GPC5: variants seen among roughly 807,000 people sequenced by gnomAD.
GPC5 encodes the protein glypican-5.
GPC5 carries 47 observed loss-of-function variants against 53.9 expected under a neutral mutation model. The ratio of observed to expected loss-of-function variants is 0.87; its 90% CI spans 0.69 to 1.11. The LOEUF (loss-of-function observed/expected upper bound fraction) is 1.11. Ranked by LOEUF, GPC5 falls within the 50% of genes most tolerant of loss-of-function variation. The pLI is 0.00. For missense variants in GPC5, 748 were observed against 713.1 expected (o/e 1.05, Z -0.56); for synonymous variants, 286 against 263.3 (o/e 1.09, Z -0.84).
chr13:92,333,598 CTG>C (rs2043302781), intron 7 of GPC5, among the ~76,000 whole-genome samples: 4 of 152,088 alleles, frequency 2.6e-5, no homozygotes, highest in African/African-American at 7.2e-5. Context: ...TAAAAAAAGA[CTG>C]AGACTGAATC....
chr13:92,241,377 A>T (rs761326968), intron 7 of GPC5: 1 of 152,206 alleles, frequency 6.6e-6, no homozygotes, highest in African/African-American at 2.4e-5. Context: ...TATTATTTGC[A>T]TGATAAGCCT....
intron 7 of GPC5, among the ~76,000 whole-genome samples, chr13:92,704,047 A>C (rs1217144602): frequency 1.3e-5 from 2 of 152,094 alleles, no homozygotes; most frequent in East Asian, 3.8e-4. Flanking sequence ...AAATATGTTA[A>C]CTTGGACTAT....
At position 91,993,358 on chromosome 13, in the gene GPC5, CT is replaced by C. The variant is rs371568020; in HGVS notation, c.1401+85311del. Among the ~76,000 whole-genome samples, 948 of 149,120 alleles carry C rather than the reference CT, an allele frequency of 6.4e-3. 9 individuals carry two copies. The highest frequency in any genetic ancestry group is 0.021 in the African/African-American group (859 of 40,620). ...CCTCATAACTTGAAACTGCGTATAC[CT>C]TTTTTTTTTCCTCCAGAAATCAACC... On this transcript the variant is annotated intron_variant, in intron 6 of 7. Coordinates refer to ENST00000377067, the MANE Select transcript of GPC5 (RefSeq NM_004466.6).
chr13:92,144,150 G>T (rs1354471494), intron 6 of GPC5, among the ~76,000 whole-genome samples: 1 of 152,150 alleles, frequency 6.6e-6, no homozygotes, highest in East Asian at 1.9e-4. Flanking sequence ...GAACTCCTGT[G>T]CTGTAGGGGA....
chr13:91,408,110 A>G (rs544954446), intron 1 of GPC5, among the ~76,000 whole-genome samples: 6 of 148,704 alleles, frequency 4.0e-5, no homozygotes, highest in Non-Finnish European at 8.8e-5. Flanking sequence ...ACAATATATC[A>G]TATTAACTGT....
At chr13:92,742,547 CG>C in intron 7 of GPC5, among the ~76,000 whole-genome samples, 1 of 143,030 alleles carries the variant, frequency 7.0e-6, no homozygotes, top group South Asian at 2.4e-4. Context: ...TTCACTCTGA[CG>C]GTAGTTTCTT....
intron 5 of GPC5, among the ~76,000 whole-genome samples, chr13:91,819,269 C>T (rs1361501168): frequency 2.1e-5 from 3 of 146,080 alleles, no homozygotes; most frequent in Admixed American, 7.2e-5. Flanking sequence ...AAGTGATTCT[C>T]CTGCCTCAGC....
intron 2 of GPC5, among the ~76,000 whole-genome samples, chr13:91,669,213 A>G (rs1464723602): frequency 6.6e-6 from 1 of 152,198 alleles, no homozygotes; most frequent in South Asian, 2.1e-4. Flanking sequence ...ACTGATAGTC[A>G]TATGTGGATG....
At chr13:92,039,921 A>C (rs1444121593) in intron 6 of GPC5, among the ~76,000 whole-genome samples, 3 of 152,206 alleles carry the variant, frequency 2.0e-5, no homozygotes, top group African/African-American at 7.2e-5. Context: ...TTAGGACTTC[A>C]ACACGTGAGT....
chr13:91,727,674 G>C (rs935995810), intron 3 of GPC5, among the ~76,000 whole-genome samples: 25 of 152,136 alleles, frequency 1.6e-4, no homozygotes, highest in African/African-American at 6.0e-4. Context: ...TGCACATTAG[G>C]AAATCACATT....
intron 6 of GPC5, among the ~76,000 whole-genome samples, chr13:92,004,138 T>C (rs893326672): frequency 6.6e-6 from 1 of 152,058 alleles, no homozygotes; most frequent in Non-Finnish European, 1.5e-5. Context: ...TGTTTATTCT[T>C]CTTATGCATT....
At chr13:92,013,070 T>C (rs571988391) in intron 6 of GPC5, among the ~76,000 whole-genome samples, 2 of 152,194 alleles carry the variant, frequency 1.3e-5, no homozygotes, top group Non-Finnish European at 2.9e-5. Flanking sequence ...AGCTGTGTGT[T>C]ATCAGCTCAG....
intron 2 of GPC5, among the ~76,000 whole-genome samples, chr13:91,577,559 C>A (rs1175715150): frequency 6.6e-6 from 1 of 152,128 alleles, no homozygotes; most frequent in Admixed American, 6.5e-5. Flanking sequence ...TGGCTCCTCA[C>A]CTATTGTTGA....
At chr13:92,718,145 T>G (rs1174627646) in intron 7 of GPC5, among the ~76,000 whole-genome samples, 1 of 152,092 alleles carries the variant, frequency 6.6e-6, no homozygotes, top group Non-Finnish European at 1.5e-5. Context: ...AGTATGGAAG[T>G]TTCTCATAAA....
chr13:92,385,489 CAT>C (rs1360160888), intron 7 of GPC5, among the ~76,000 whole-genome samples: 2 of 129,810 alleles, frequency 1.5e-5, no homozygotes, highest in African/African-American at 5.6e-5. Flanking sequence ...CATATATACA[CAT>C]ATATACATAC....
chr13:92,771,575 C>A (rs916028064), intron 7 of GPC5, among the ~76,000 whole-genome samples: 1 of 152,082 alleles, frequency 6.6e-6, no homozygotes, highest in East Asian at 1.9e-4. Context: ...GAACTCCTGA[C>A]CTCGTGATCC....
At chr13:92,591,458 A>AT (rs1883709263) in intron 7 of GPC5, among the ~76,000 whole-genome samples, 1 of 152,118 alleles carries the variant, frequency 6.6e-6, no homozygotes. Flanking sequence ...TTTACTTTTA[A>AT]TGTATTTTTA....
At chr13:91,670,334 A>C (rs1457193603) in intron 2 of GPC5, among the ~76,000 whole-genome samples, 1 of 152,172 alleles carries the variant, frequency 6.6e-6, no homozygotes, top group Non-Finnish European at 1.5e-5. Flanking sequence ...TGTTGAGTCT[A>C]CTGCGATAAA....
intron 7 of GPC5, among the ~76,000 whole-genome samples, chr13:92,537,886 C>T (rs1008798290): frequency 2.0e-5 from 3 of 152,028 alleles, no homozygotes; most frequent in African/African-American, 7.2e-5. Flanking sequence ...CTGTCTCAGT[C>T]TTTTTAATTT....
Sources: gnomAD v4.1 joint callset for allele counts (sites outside exome capture counted in the v4.1 genomes callset) on GRCh38, gnomAD v4.1.1 for gene constraint, MANE v1.5 for transcripts, NCBI Gene and HGNC (gene_info 2026-07-23, HGNC 2026-07-21) for gene names.